P3H2: variants seen among roughly 807,000 people sequenced by gnomAD.
P3H2 encodes prolyl 3-hydroxylase 2.
P3H2 carries 80 observed loss-of-function variants against 87.0 expected under a neutral mutation model. That is an observed-to-expected ratio of 0.92 (90% confidence interval 0.77 to 1.11). The LOEUF (loss-of-function observed/expected upper bound fraction) is 1.11. Among genes scored for constraint, P3H2 ranks in the 50% least tolerant of loss-of-function variants. The pLI is 0.00. For missense variants in P3H2, 1,001 were observed against 923.9 expected (o/e 1.08, Z -1.08); for synonymous variants, 367 against 359.3 (o/e 1.02, Z -0.24).
intron 1 of P3H2, among the ~76,000 whole-genome samples, chr3:190,097,965 G>A (rs1019267795): frequency 1.3e-5 from 2 of 151,836 alleles, no homozygotes; most frequent in Non-Finnish European, 2.9e-5. Context: ...AATACTTTAG[G>A]TCACATTAAG....
At chr3:190,071,987 T>TTG (rs1231234433) in intron 1 of P3H2, among the ~76,000 whole-genome samples, 2 of 150,220 alleles carry the variant, frequency 1.3e-5, no homozygotes, top group African/African-American at 2.5e-5. Flanking sequence ...GGTTTTTTTT[T>TTG]TTTTTTTTTT....
rs1723157072 is a variant in P3H2, at chr3:189,970,873, A to G, written c.1836T>C (p.Asn612=). ...TGAATTCTCCTCCTTCAAAGTCATC[A>G]TTCATATATAGGAGAGCACTATAAG... ...FRDYSALLYM[N]DDFEGGEFIF... The change falls in exon 13 of 15, where the codon AAT becomes AAC. Residue 612 remains asparagine, a synonymous_variant. Transcript: ENST00000319332. The G allele has an allele frequency of 1.9e-6, 3 of 1,573,450 alleles. No individual in the cohort carries two copies. The East Asian group carries it at 6.7e-5, about 35-fold the overall frequency.
chr3:190,078,114 G>A (rs1015234488), intron 1 of P3H2, among the ~76,000 whole-genome samples: 10 of 152,174 alleles, frequency 6.6e-5, no homozygotes, highest in Admixed American at 2.0e-4. Flanking sequence ...TTTCTCAAGG[G>A]CTAATGGAGT....
At chr3:190,058,016 T>C (rs1301204930) in intron 1 of P3H2, among the ~76,000 whole-genome samples, 1 of 152,034 alleles carries the variant, frequency 6.6e-6, no homozygotes, top group African/African-American at 2.4e-5. Context: ...GAGGAATAGC[T>C]GGGGCAGATA....
intron 1 of P3H2, among the ~76,000 whole-genome samples, chr3:190,071,990 T>G (rs534799963): frequency 6.7e-6 from 1 of 150,370 alleles, no homozygotes; most frequent in Non-Finnish European, 1.5e-5. Flanking sequence ...TTTTTTTTTT[T>G]TTTTTTTTGA....
chr3:190,108,428 G>T (rs1257904857), intron 1 of P3H2, among the ~76,000 whole-genome samples: 1 of 152,160 alleles, frequency 6.6e-6, no homozygotes, highest in Non-Finnish European at 1.5e-5. Flanking sequence ...TCACTTGGAG[G>T]TCAAAATCAC....
intron 1 of P3H2, among the ~76,000 whole-genome samples, chr3:190,052,256 G>A (rs892383968): frequency 7.9e-5 from 12 of 151,848 alleles, no homozygotes; most frequent in South Asian, 2.1e-4. Flanking sequence ...CTCACCCCCC[G>A]ACAAGCCCCG....
intron 9 of P3H2, 149 bp from the exon 10 acceptor site, chr3:189,974,153 T>C (rs923108849): frequency 2.9e-6 from 2 of 682,438 alleles, no homozygotes; most frequent in Non-Finnish European, 5.2e-6. Context: ...AACTATTCTT[T>C]TAATTAAAAG....
At chr3:190,059,435 G>T (rs1038692734) in intron 1 of P3H2, among the ~76,000 whole-genome samples, 1 of 152,040 alleles carries the variant, frequency 6.6e-6, no homozygotes, top group Non-Finnish European at 1.5e-5. Context: ...AAATTGGAAA[G>T]GTCACTGGTT....
At chr3:190,012,327 T>A (rs1203353162) in intron 1 of P3H2, among the ~76,000 whole-genome samples, 1 of 151,928 alleles carries the variant, frequency 6.6e-6, no homozygotes, top group African/African-American at 2.4e-5. Flanking sequence ...CCTTAATCTA[T>A]TTACCACACT....
intron 7 of P3H2, among the ~76,000 whole-genome samples, chr3:189,984,174 T>C (rs1329278312): frequency 6.6e-6 from 1 of 152,200 alleles, no homozygotes; most frequent in Admixed American, 6.5e-5. Context: ...CTGAACTTCA[T>C]TATTTTAGGT....
chr3:189,977,574 T>A (rs771762331), intron 8 of P3H2, among the ~76,000 whole-genome samples: 1 of 152,192 alleles, frequency 6.6e-6, no homozygotes, highest in East Asian at 1.9e-4. Flanking sequence ...ATATTTTCAT[T>A]ATGTTTTCAC....
At chr3:190,082,606 A>G (rs1186415193) in intron 1 of P3H2, among the ~76,000 whole-genome samples, 1 of 152,218 alleles carries the variant, frequency 6.6e-6, no homozygotes, top group Admixed American at 6.5e-5. Context: ...GAAATATACA[A>G]TACATTATTA....
chr3:190,001,055 G>A (rs1391056754), intron 1 of P3H2, among the ~76,000 whole-genome samples: 2 of 152,024 alleles, frequency 1.3e-5, no homozygotes, highest in Admixed American at 6.6e-5. Flanking sequence ...CTTTCTCTTC[G>A]TCTATTTTGC....
rs60223117 is a variant in P3H2 at position 189,959,231 on chromosome 3, T to C, written c.2035-1227A>G. ...GAAGTTGCTTTACACCTGTCTCTTC[T>C]TTTTTTTTTCTTTTATTTATTTATT... On this transcript the variant is annotated intron_variant, in intron 14 of 14. Coordinates refer to ENST00000319332, the MANE Select transcript of P3H2 (RefSeq NM_018192.4). Among the ~76,000 whole-genome samples, 13 of 150,026 alleles carry C rather than the reference T, an allele frequency of 8.7e-5. No individual in the cohort carries two copies. In the East Asian group the frequency reaches 9.8e-4, roughly 11 times the overall value.
chr3:189,986,813 C>G lies in P3H2; in HGVS notation c.1163G>C (p.Gly388Ala), dbSNP rs1437861339. 2 of 1,611,814 alleles carry G rather than the reference C, an allele frequency of 1.2e-6. No homozygotes were observed. The highest frequency in any genetic ancestry group is 1.7e-6 in the Non-Finnish European group (2 of 1,178,084). ...ESELIKSAAE[G>A]LGFSYTEPNY... ...CGGTTCAGTGTATGAAAACCCCAGA[C>G]CTTCTGCAGCTGATTTTATCAGCTC... Residue 388 changes from glycine to alanine, a missense_variant, in exon 6 of 15, where the codon GGT becomes GCT. Physicochemically the swap from Gly to Ala is moderately conservative, Grantham distance 60 (BLOSUM62 0). Transcript: ENST00000319332.
chr3:190,049,810 G>A (rs991929850), intron 1 of P3H2, among the ~76,000 whole-genome samples: 6 of 152,116 alleles, frequency 3.9e-5, no homozygotes, highest in African/African-American at 1.4e-4. Context: ...TCCTTTAAGT[G>A]CATTTCCCAA....
chr3:190,115,351 G>A (rs1240654621), intron 1 of P3H2, among the ~76,000 whole-genome samples: 1 of 151,118 alleles, frequency 6.6e-6, no homozygotes, highest in Non-Finnish European at 1.5e-5. Flanking sequence ...GCAGGGGCAA[G>A]CTTGTTTTGA....
intron 1 of P3H2, among the ~76,000 whole-genome samples, chr3:190,032,028 A>G (rs1725270176): frequency 6.6e-6 from 1 of 152,202 alleles, no homozygotes; most frequent in Non-Finnish European, 1.5e-5. Flanking sequence ...CTCATAATGC[A>G]AGAATGATTG....
Sources: gnomAD v4.1 joint callset for allele counts (sites outside exome capture counted in the v4.1 genomes callset) on GRCh38, gnomAD v4.1.1 for gene constraint, MANE v1.5 for transcripts, NCBI Gene and HGNC (gene_info 2026-07-23, HGNC 2026-07-21) for gene names.